The following MTDH variants were observed in gnomAD, a reference collection of about 807,000 sequenced individuals.
MTDH encodes the protein metadherin.
In MTDH, 34 loss-of-function variants were observed where a neutral mutation model predicts 72.7. The ratio of observed to expected loss-of-function variants is 0.47; its 90% CI spans 0.36 to 0.62. The LOEUF (loss-of-function observed/expected upper bound fraction) is 0.62, where lower values mean the gene tolerates loss of function less well. Among genes scored for constraint, MTDH ranks in the 20% least tolerant of loss-of-function variants. The probability of loss-of-function intolerance (pLI) is 0.00; values close to 1 mark genes in which losing one functional copy is unlikely to be tolerated. For missense variants in MTDH, 677 were observed against 699.4 expected, an observed-to-expected ratio of 0.97 and a Z score of 0.36; for synonymous variants, 266 against 268.9, an observed-to-expected ratio of 0.99 and a Z score of 0.10.
chr8:97,679,956 G>T (rs1300303175), intron 2 of MTDH, among the ~76,000 whole-genome samples: 3 of 152,040 alleles, frequency 2.0e-5, no homozygotes, highest in African/African-American at 7.2e-5. Context: ...GAACTTATTC[G>T]TCATAATTTC....
At chr8:97,721,119 A>C (rs1018817232) in intron 10 of MTDH, among the ~76,000 whole-genome samples, 2 of 152,122 alleles carry the variant, frequency 1.3e-5, no homozygotes, top group African/African-American at 4.8e-5. Flanking sequence ...AGGGAACACT[A>C]AGAAAGGTAA....
intron 6 of MTDH, among the ~76,000 whole-genome samples, chr8:97,695,859 T>C (rs1813814930): frequency 6.6e-6 from 1 of 152,226 alleles, no homozygotes; most frequent in Admixed American, 6.5e-5. Context: ...TATCCCAAAG[T>C]AGTTGCTTAA....
chr8:97,683,737 G>A (rs1222328858), intron 2 of MTDH, among the ~76,000 whole-genome samples: 1 of 152,056 alleles, frequency 6.6e-6, no homozygotes, highest in Non-Finnish European at 1.5e-5. Flanking sequence ...GTGTAAAATG[G>A]GGATACCTAC....
At chr8:97,693,446 G>A (rs1453662979) in intron 6 of MTDH, among the ~76,000 whole-genome samples, 1 of 152,056 alleles carries the variant, frequency 6.6e-6, no homozygotes, top group South Asian at 2.1e-4. Flanking sequence ...TGATTCTCCT[G>A]CCTCAGCCTC....
At chr8:97,724,523 C>A in intron 11 of MTDH, 77 bp from the exon 12 acceptor site, 1 of 995,744 alleles carries the variant, frequency 1.0e-6, no homozygotes. Context: ...ATAGTTACTA[C>A]TTTTATATTA....
intron 8 of MTDH, among the ~76,000 whole-genome samples, chr8:97,711,455 C>G (rs1340319237): frequency 1.3e-5 from 2 of 151,976 alleles, no homozygotes; most frequent in African/African-American, 4.8e-5. Flanking sequence ...GTACTCCAGC[C>G]TGAGCAACAG....
chr8:97,722,806 G>A (rs1035456023), intron 10 of MTDH, 73 bp from the exon 11 acceptor site: 8 of 1,442,384 alleles, frequency 5.5e-6, no homozygotes, highest in African/African-American at 1.4e-5. Flanking sequence ...ACCACCTCTT[G>A]GTATTACTGT....
chr8:97,675,306 A>G (rs1812790572), intron 2 of MTDH, among the ~76,000 whole-genome samples: 1 of 152,166 alleles, frequency 6.6e-6, no homozygotes, highest in African/African-American at 2.4e-5. Flanking sequence ...CACACCTGTA[A>G]TCCCAGCACT....
At chr8:97,683,642 C>T (rs1352036817) in intron 2 of MTDH, among the ~76,000 whole-genome samples, 1 of 152,080 alleles carries the variant, frequency 6.6e-6, no homozygotes, top group Middle Eastern at 3.2e-3. Flanking sequence ...GATCCTCCCA[C>T]CTCAACCTTC....
chr8:97,665,195 C>T (rs1453454956), intron 2 of MTDH, among the ~76,000 whole-genome samples: 1 of 152,148 alleles, frequency 6.6e-6, no homozygotes, highest in Non-Finnish European at 1.5e-5. Context: ...AGTAATTGTA[C>T]TCCTAAGCTG....
At chr8:97,717,172 A>G (rs1187531566) in intron 9 of MTDH, among the ~76,000 whole-genome samples, 1 of 152,214 alleles carries the variant, frequency 6.6e-6, no homozygotes, top group East Asian at 1.9e-4. Flanking sequence ...AATTTTGACT[A>G]TCTAAACCCA....
intron 6 of MTDH, among the ~76,000 whole-genome samples, chr8:97,693,756 T>G (rs1813713449): frequency 6.6e-6 from 1 of 151,944 alleles, no homozygotes; most frequent in Non-Finnish European, 1.5e-5. Flanking sequence ...TACTCTGTTG[T>G]CCAGGCTGGA....
rs575778664 is a variant in MTDH at position 97,724,548 on chromosome 8, T to C, written c.1679-52T>C. 1.2e-5 allele frequency: 15 copies of C among 1,244,538 alleles called. No homozygotes were observed. In the East Asian group the frequency reaches 2.4e-4, roughly 20 times the overall value. 77.1% of individuals were successfully genotyped at this position (1,244,538 alleles called of 1,614,324 possible). On this transcript the variant is annotated intron_variant, in intron 11 of 11. Coordinates refer to ENST00000336273, the MANE Select transcript of MTDH (RefSeq NM_178812.4). ...CTTTTATATTATTGAGACGTAACAG[T>C]ATTTACCATCCTCCTAATTTTTTTC...
At chr8:97,656,301 C>CTTTTT (rs34020581) in intron 1 of MTDH, among the ~76,000 whole-genome samples, 4 of 117,944 alleles carry the variant, frequency 3.4e-5, no homozygotes, top group Admixed American at 9.0e-5. Context: ...ATTAAGCATA[C>CTTTTT]TTTTTTTTTT....
At chr8:97,692,923 G>A (rs1813676987) in intron 6 of MTDH, among the ~76,000 whole-genome samples, 1 of 151,954 alleles carries the variant, frequency 6.6e-6, no homozygotes, top group Admixed American at 6.6e-5. Flanking sequence ...GTAGAGGTGG[G>A]GTTTCACCAT....
intron 2 of MTDH, among the ~76,000 whole-genome samples, chr8:97,666,074 G>A (rs1812371915): frequency 6.7e-6 from 1 of 148,744 alleles, no homozygotes; most frequent in South Asian, 2.1e-4. Context: ...CTTGCAGTGA[G>A]CCACGATTGT....
At chr8:97,701,997 G>A (rs1272344011) in intron 7 of MTDH, among the ~76,000 whole-genome samples, 1 of 151,996 alleles carries the variant, frequency 6.6e-6, no homozygotes, top group Non-Finnish European at 1.5e-5. Flanking sequence ...TATTTTCTGT[G>A]TCACCATCTT....
At chr8:97,685,998 C>T (rs1040301220) in intron 2 of MTDH, among the ~76,000 whole-genome samples, 19 of 152,022 alleles carry the variant, frequency 1.2e-4, no homozygotes, top group South Asian at 2.1e-4. Flanking sequence ...AACTTGTATG[C>T]GTATAGGTAT....
rs1256677366 is a variant in MTDH, at chr8:97,719,203, A to ATATT, written c.1521+16_1521+17insTTTA. ...AAAAATAGCCAGGTAATTTTTAAGA[A>ATATT]TAATAAAGTTGCCGGGCGCAGTGGC... On this transcript the variant is annotated intron_variant, in intron 10 of 11. Coordinates refer to ENST00000336273, the MANE Select transcript of MTDH (RefSeq NM_178812.4). The ATATT allele has an allele frequency of 1.2e-6, 2 of 1,609,518 alleles. No individual in the cohort carries two copies. Among genetic ancestry groups the ATATT allele is most frequent in the Non-Finnish European group, 8.5e-7 (1 of 1,178,708 alleles).
Sources: gnomAD v4.1 joint callset for allele counts (sites outside exome capture counted in the v4.1 genomes callset) on GRCh38, gnomAD v4.1.1 for gene constraint, MANE v1.5 for transcripts, NCBI Gene and HGNC (gene_info 2026-07-23, HGNC 2026-07-21) for gene names.